UBR4: variants seen among roughly 807,000 people sequenced by gnomAD.
UBR4 encodes ubiquitin protein ligase E3 component n-recognin 4, also known as E3 ubiquitin-protein ligase UBR4.
UBR4 carries 124 observed loss-of-function variants against 575.6 expected under a neutral mutation model. The ratio of observed to expected loss-of-function variants is 0.22; its 90% CI spans 0.19 to 0.25. UBR4 has a LOEUF of 0.25. Ranked by LOEUF, UBR4 falls within the 10% of genes least tolerant of loss-of-function variation. The pLI, the probability that UBR4 is intolerant of heterozygous loss-of-function variation, is 1.00. For missense variants in UBR4, 4,818 were observed against 6,478.8 expected, an observed-to-expected ratio of 0.74 and a Z score of 8.80; for synonymous variants, 2,455 against 2,473.7, an observed-to-expected ratio of 0.99 and a Z score of 0.22.
intron 92 of UBR4, 146 bp downstream of exon 92, chr1:19,096,377 C>T: frequency 7.6e-7 from 1 of 1,315,796 alleles, no homozygotes; most frequent in Non-Finnish European, 1.0e-6. Context: ...GTAGTCCTAA[C>T]TGCCAGGTCC....
chr1:19,106,241 A>G (rs1470859787), intron 83 of UBR4, among the ~76,000 whole-genome samples: 1 of 152,208 alleles, frequency 6.6e-6, no homozygotes. Context: ...CTAACATAGA[A>G]TTACTTTAGC....
chr1:19,113,536 G>C (rs2149341444), intron 77 of UBR4, 163 bp downstream of exon 77: 1 of 990,830 alleles, frequency 1.0e-6, no homozygotes, highest in Non-Finnish European at 1.5e-6. Context: ...CACGGTGGGG[G>C]AGATGCCGTT....
chr1:19,118,563 G>C (rs1411648134), intron 71 of UBR4: 3 of 273,248 alleles, frequency 1.1e-5, no homozygotes, highest in Non-Finnish European at 2.1e-5. Flanking sequence ...TGGGACCACA[G>C]GTACACGCCA....
rs373354774 is a variant in UBR4 at position 19,173,390 on chromosome 1, C to T, written c.3165+49G>A. The T allele has an allele frequency of 3.3e-5, 53 of 1,612,582 alleles. No homozygotes were observed. In the African/African-American group the frequency reaches 6.4e-4, roughly 19 times the overall value. ...CTTCAAATTTAAAAGCTCCAGTAAG[C>T]ACAAAGCACTTTGGCTTTGAATAGT... On this transcript the variant is annotated intron_variant, in intron 23 of 105. Coordinates refer to ENST00000375254, the MANE Select transcript of UBR4 (RefSeq NM_020765.3).
At chr1:19,183,941 T>C in intron 16 of UBR4, 45 bp from the exon 17 acceptor site, 1 of 1,613,836 alleles carries the variant, frequency 6.2e-7, no homozygotes, top group Non-Finnish European at 8.5e-7. Flanking sequence ...AGCTATTGAA[T>C]GCACCACACC....
At chr1:19,105,022 C>G in intron 85 of UBR4, 26 bp downstream of exon 85, 1 of 1,608,572 alleles carries the variant, frequency 6.2e-7, no homozygotes, top group Non-Finnish European at 8.5e-7. Flanking sequence ...AGGGAAGGGG[C>G]TCTCTTGGGC....
intron 11 of UBR4, among the ~76,000 whole-genome samples, chr1:19,191,427 C>T (rs1237850959): frequency 3.3e-5 from 5 of 152,140 alleles, no homozygotes; most frequent in African/African-American, 7.2e-5. Context: ...GCCACAATCA[C>T]GCCACTGCAC....
intron 11 of UBR4, among the ~76,000 whole-genome samples, chr1:19,188,933 C>A (rs998399695): frequency 2.6e-5 from 4 of 152,158 alleles, no homozygotes; most frequent in African/African-American, 9.7e-5. Context: ...CCTACCATTG[C>A]ACTCTAGCCT....
chr1:19,100,473 T>C lies in UBR4; in HGVS notation c.13124A>G (p.Asn4375Ser), dbSNP rs780869878. 24 of 1,614,150 alleles carry C rather than the reference T, an allele frequency of 1.5e-5. No homozygotes were observed. Among genetic ancestry groups the C allele is most frequent in the Non-Finnish European group, 2.0e-5 (24 of 1,180,022 alleles). Residue 4375 changes from asparagine (N) to serine (S), a missense_variant, in exon 89 of 106, where the codon AAT (asparagine) becomes AGT (serine). Transcript: ENST00000375254. This position sits in a 1 kb window ranked among gnomAD's most constrained non-coding sequence, Gnocchi z 4.2. ...CATCAGCGGCCCGATGCCTGGCTCATTGCTGCTATACGGGTTCCCAGGCAT... is the reference window on the plus strand; with the variant it reads ...CATCAGCGGCCCGATGCCTGGCTCACTGCTGCTATACGGGTTCCCAGGCAT... ...GRMPGNPYSS[N>S]EPGIGPLMRD... is the part of the protein sequence containing the mutation.
chr1:19,167,439 A>C lies in UBR4; in HGVS notation c.3900-208T>G, dbSNP rs139271900. The stretch of plus-strand genomic sequence containing the variant: ...TTCTTCTTTTTCATTATTATATCAG[A>C]AACAAAAATCATTTTCATTTGAAAA... On this transcript the variant is annotated intron_variant, in intron 28 of 105. Transcript: ENST00000375254. 3.9e-3 allele frequency among the ~76,000 whole-genome samples: 597 copies of C among 152,330 alleles called. 4 individuals are homozygous for C. Among genetic ancestry groups the C allele is most frequent in the Middle Eastern group, 0.014 (4 of 294 alleles).
intron 11 of UBR4, among the ~76,000 whole-genome samples, chr1:19,188,696 G>A (rs150018923): frequency 2.5e-4 from 38 of 151,736 alleles, no homozygotes; most frequent in African/African-American, 9.2e-4. Flanking sequence ...GGCCAGATGC[G>A]GTGGCTCACA....
At chr1:19,107,455 C>T (rs192082393) in intron 81 of UBR4, among the ~76,000 whole-genome samples, 4 of 152,130 alleles carry the variant, frequency 2.6e-5, no homozygotes, top group Non-Finnish European at 5.9e-5. Flanking sequence ...CTTTGCTTTA[C>T]ATGGTTGTAT....
At position 19,122,921 on chromosome 1, in the gene UBR4, A is replaced by C. The variant is rs762918021; in HGVS notation, c.9728T>G (p.Leu3243Arg). ...LDSHVRGIKK[L>R]LEEQGIFLRA... ...GAGGAATATCCCCTGCTCTTCTAGC[A>C]GCTTCTTGATCCCACGCACGTGAGA... Residue 3243 changes from leucine (L) to arginine (R), a missense_variant, in exon 66 of 106, where the codon CTG becomes CGG. By Grantham distance (102) the Leu-to-Arg change is moderately radical (BLOSUM62 -2). Transcript: ENST00000375254. The C allele has an allele frequency of 2.8e-5, 46 of 1,614,232 alleles. No homozygotes were observed. In the South Asian group the frequency reaches 4.8e-4, roughly 17 times the overall value.
rs145257930 is a variant in UBR4, at chr1:19,140,837, G to C, written c.8544C>G (p.Pro2848=). The part of the protein sequence containing the change: ...LQSLGLSGQA[P]SSSSLDAGTL... ...TTCCTGCGTCCAGAGAGGAAGAGCT[G>C]GGTGCCTGGCCGGACAGTCCCAGGC... is the stretch of plus-strand genomic sequence containing the variant. The change falls in exon 58 of 106, where the codon CCC becomes CCG. Residue 2848 remains proline (P), a synonymous_variant. Coordinates refer to ENST00000375254, the MANE Select transcript of UBR4 (RefSeq NM_020765.3). The C allele has an allele frequency of 1.2e-5, 19 of 1,613,072 alleles. No individual in the cohort carries two copies. The African/African-American group carries it at 1.5e-4, about 12-fold the overall frequency.
At chr1:19,196,658 G>A (rs757611735) in intron 8 of UBR4, among the ~76,000 whole-genome samples, 4 of 152,148 alleles carry the variant, frequency 2.6e-5, no homozygotes, top group Non-Finnish European at 5.9e-5. Flanking sequence ...AGTATAAACA[G>A]ATACCACCTG....
chr1:19,130,472 T>C (rs1277167938), intron 60 of UBR4, among the ~76,000 whole-genome samples: 1 of 152,196 alleles, frequency 6.6e-6, no homozygotes, highest in Non-Finnish European at 1.5e-5. Context: ...GCCATGATCA[T>C]GCCACTGCAC....
At chr1:19,128,046 G>A (rs1292242969) in intron 62 of UBR4, among the ~76,000 whole-genome samples, 165 bp downstream of exon 62, 1 of 152,162 alleles carries the variant, frequency 6.6e-6, no homozygotes, top group Non-Finnish European at 1.5e-5. Flanking sequence ...CTATGCTCGG[G>A]CCAAAGCAGG....
chr1:19,173,235 C>A lies in UBR4; in HGVS notation c.3237G>T (p.Lys1079Asn). The part of the protein sequence containing the change: ...SSLLELASTT[K>N]CSSVKYDVEI... ...CAACATCATATTTCACTGAGCTACA[C>A]TTAGTGGTGGATGCCAGTTCTAGAA... The change falls in exon 24 of 106, where the codon AAG becomes AAT. Residue 1079 changes from lysine to asparagine, a missense_variant. Physicochemically the swap from Lys to Asn is moderately conservative, Grantham distance 94. This residue lies in a region of UBR4 where 1,172 missense variants were observed against 1,259.7 expected (regional missense o/e 0.93). Transcript: ENST00000375254. The A allele has an allele frequency of 6.2e-7, 1 of 1,614,204 alleles. No homozygotes were observed. The highest frequency in any genetic ancestry group is 8.5e-7 in the Non-Finnish European group (1 of 1,180,034).
Position 19,174,426 on chromosome 1 carries a change from T to C in UBR4, c.2875A>G (p.Lys959Glu). The change falls in exon 22 of 106, where the codon AAG becomes GAG. Residue 959 changes from lysine to glutamate, a missense_variant. Lys to Glu is a moderately conservative substitution (Grantham distance 56). Transcript: ENST00000375254. Reference protein sequence around the residue: ...DSVACDVLFSKLVKYDELYAA... With the variant: ...DSVACDVLFSELVKYDELYAA... ...TAAAGCTCATCATACTTGACAAGCT[T>C]GGAGAAAAGGACGTCACATGCCTGA... The C allele has an allele frequency of 6.2e-7, 1 of 1,610,940 alleles. No homozygotes were observed. Among genetic ancestry groups the C allele is most frequent in the Non-Finnish European group, 8.5e-7 (1 of 1,179,854 alleles).
Sources: gnomAD v4.1 joint callset for allele counts (sites outside exome capture counted in the v4.1 genomes callset) on GRCh38, gnomAD v4.1.1 for gene constraint, gnomAD v4.1.1 regional missense constraint, Gnocchi (gnomAD v3.1) non-coding constraint, MANE v1.5 for transcripts, NCBI Gene and HGNC (gene_info 2026-07-23, HGNC 2026-07-21) for gene names.